The following ABCA9 variants were observed in gnomAD, a reference collection of about 807,000 sequenced individuals.
The protein encoded by ABCA9 is ATP binding cassette subfamily A member 9, also known as ATP-binding cassette sub-family A member 9.
In ABCA9, 183 loss-of-function variants were observed where a neutral mutation model predicts 205.3. The observed-to-expected ratio is 0.89, with a 90% confidence interval of 0.79 to 1.01. The LOEUF (loss-of-function observed/expected upper bound fraction) is 1.01, where lower values mean the gene tolerates loss of function less well. ABCA9 is among the 50% of genes least tolerant of loss of function. The pLI, the probability that ABCA9 is intolerant of heterozygous loss-of-function variation, is 0.00. For synonymous variants in ABCA9, 651 were observed against 683.3 expected (o/e 0.95, Z 0.74); for missense variants, 1,805 against 1,912.4 (o/e 0.94, Z 1.05).
At chr17:69,012,738 T>A (rs1437905859) in intron 22 of ABCA9, among the ~76,000 whole-genome samples, 1 of 152,156 alleles carries the variant, frequency 6.6e-6, no homozygotes, top group Non-Finnish European at 1.5e-5. Context: ...TTACAAACAA[T>A]CCAATTATAC....
At chr17:69,053,821 A>G (rs2071984004) in intron 1 of ABCA9, among the ~76,000 whole-genome samples, 1 of 152,194 alleles carries the variant, frequency 6.6e-6, no homozygotes, top group Non-Finnish European at 1.5e-5. Context: ...CCAACCTTAG[A>G]TTCAGGAAGG....
intron 32 of ABCA9, 31 bp from the exon 33 acceptor site, chr17:68,985,159 C>G (rs2069189664): frequency 1.2e-6 from 2 of 1,613,966 alleles, no homozygotes; most frequent in South Asian, 2.2e-5. Flanking sequence ...CCACATAATC[C>G]CAACACTGGC....
At chr17:69,025,930 A>ATACT in intron 16 of ABCA9, among the ~76,000 whole-genome samples, 1 of 152,248 alleles carries the variant, frequency 6.6e-6, no homozygotes, top group Non-Finnish European at 1.5e-5. Context: ...AACATAGCCA[A>ATACT]TACTTAAAAA....
chr17:69,033,915 G>A, intron 8 of ABCA9, 42 bp from the exon 9 acceptor site: 2 of 1,435,128 alleles, frequency 1.4e-6, no homozygotes, highest in Non-Finnish European at 1.9e-6. Flanking sequence ...GAATTAATAT[G>A]GCATTAAGAA....
intron 28 of ABCA9, among the ~76,000 whole-genome samples, chr17:68,991,481 T>C (rs968702882): frequency 3.7e-4 from 57 of 152,198 alleles, no homozygotes; most frequent in African/African-American, 1.1e-3. Context: ...TACAGACTCG[T>C]TCTTGCCTTC....
Position 69,012,080 on chromosome 17 carries a change from G to T in ABCA9, c.3043C>A (p.His1015Asn). 6.2e-7 allele frequency: 1 copy of T among 1,606,750 alleles called. No homozygotes were observed. ...CGGTACCCATACTCATAATCCATAT[G>T]CTCCTGAAATCATGTGGAACATGGT... ...QTDRSTFFEE[H>N]MDYEYGYRSN... is the part of the protein sequence containing the mutation. Residue 1015 changes from histidine (H) to asparagine (N), a missense_variant, in exon 23 of 39, where the codon CAT becomes AAT. Transcript: ENST00000340001.
chr17:69,029,121 C>T, intron 11 of ABCA9, 48 bp downstream of exon 11: 2 of 1,157,706 alleles, frequency 1.7e-6, no homozygotes, highest in South Asian at 1.5e-5. Flanking sequence ...AACAGTAAGG[C>T]AGCCACTAAA....
At chr17:68,976,442 C>A (rs1364296403) in intron 37 of ABCA9, among the ~76,000 whole-genome samples, 2 of 152,172 alleles carry the variant, frequency 1.3e-5, no homozygotes, top group East Asian at 3.9e-4. Context: ...AGCATCTGTG[C>A]AGAACAAGCT....
At chr17:69,060,985 T>C (rs1035076923), upstream of ABCA9, 60 of 985,330 alleles carry the variant, frequency 6.1e-5, no homozygotes, top group Non-Finnish European at 7.1e-5. Context: ...AATTTCACAT[T>C]CATTGTGAAT....
intron 23 of ABCA9, among the ~76,000 whole-genome samples, chr17:69,010,802 G>C (rs577992199): frequency 6.6e-6 from 1 of 152,238 alleles, no homozygotes; most frequent in East Asian, 1.9e-4. Context: ...AAATAAAGGA[G>C]ATAAAGAGAC....
intron 1 of ABCA9, among the ~76,000 whole-genome samples, chr17:69,058,334 C>G (rs1412379591): frequency 6.6e-6 from 1 of 152,092 alleles, no homozygotes; most frequent in Non-Finnish European, 1.5e-5. Context: ...ATGGTTCATC[C>G]TGCCATATTC....
rs1272915299 is a variant in ABCA9, at chr17:69,023,623, C to T, written c.2281+591G>A. On this transcript the variant is annotated intron_variant, in intron 17 of 38. Coordinates refer to ENST00000340001, the MANE Select transcript of ABCA9 (RefSeq NM_080283.4). The surrounding 1 kb of genome is among the most constrained non-coding windows in gnomAD (Gnocchi z 4.2). ...ATTTTTACAGAGTAAACTTAAGAAG[C>T]ATTCTACCTCAAAACGCTTAGGAAG... Among the ~76,000 whole-genome samples, 1 of 152,166 alleles carries T rather than the reference C, an allele frequency of 6.6e-6. No homozygotes were observed. Among genetic ancestry groups the T allele is most frequent in the African/African-American group, 2.4e-5 (1 of 41,438 alleles).
Position 68,993,045 on chromosome 17 carries a change from A to C in ABCA9, c.3595T>G (p.Ser1199Ala). 6.2e-7 allele frequency: 1 copy of C among 1,613,886 alleles called. No homozygotes were observed. Residue 1199 changes from serine (S) to alanine (A), a missense_variant, in exon 27 of 39, where the codon TCT (serine) becomes GCT (alanine). Transcript: ENST00000340001. ...DSMDYLGASE[S>A]EIVYLALLIP... The stretch of plus-strand genomic sequence containing the variant: ...AGCAGTGCCAGGTATACAATTTCAG[A>C]TTCTGAAGCTCCTAAGTAATCCATG...
chr17:69,063,649 T>A (rs2072309226), upstream of ABCA9, among the ~76,000 whole-genome samples: 1 of 152,174 alleles, frequency 6.6e-6, no homozygotes, highest in Non-Finnish European at 1.5e-5. Context: ...CTCTGCTCAC[T>A]GCAAGCTCCG....
chr17:68,983,968 C>T, intron 35 of ABCA9, 88 bp downstream of exon 35: 1 of 1,602,064 alleles, frequency 6.2e-7, no homozygotes, highest in African/African-American at 1.3e-5. Context: ...ATGCTAGCTC[C>T]TCACGATGGG....
chr17:68,996,035 A>G (rs773490765), intron 25 of ABCA9, 21 bp from the exon 26 acceptor site: 2 of 1,609,306 alleles, frequency 1.2e-6, no homozygotes, highest in Non-Finnish European at 1.7e-6. Flanking sequence ...TGCACAGTAT[A>G]GCGTCATTAA....
rs149228541 is a variant in ABCA9, at chr17:69,020,468, C to T, written c.2520G>A (p.Ala840=). ...TTGCACAGACCTGCTGCCTCCAGAG[C>T]GCCACGCCACTGATTGTTTTCCTTG... is the stretch of plus-strand genomic sequence containing the variant. The part of the protein sequence containing the change: ...HETRKTISGV[A]LWRQQVCAIA... The change falls in exon 19 of 39, where the codon GCG becomes GCA. Residue 840 remains alanine, a synonymous_variant. Coordinates refer to ENST00000340001, the MANE Select transcript of ABCA9 (RefSeq NM_080283.4). 154 of 1,614,042 alleles carry T rather than the reference C, an allele frequency of 9.5e-5. 1 individual carries two copies. Among genetic ancestry groups the T allele is most frequent in the African/African-American group, 5.3e-4 (40 of 75,012 alleles).
In ABCA9 at chr17:68,983,693, A is replaced by G. The variant is rs1052901331; in HGVS notation, c.4640+16T>C. The G allele has an allele frequency of 3.5e-5, 56 of 1,612,570 alleles. No individual in the cohort carries two copies. Among genetic ancestry groups the G allele is most frequent in the Non-Finnish European group, 4.2e-5 (50 of 1,179,658 alleles). On this transcript the variant is annotated intron_variant, in intron 36 of 38. Coordinates refer to ENST00000340001, the MANE Select transcript of ABCA9 (RefSeq NM_080283.4). ...AAAAACCAAGGACTGTGATAAAACA[A>G]AACACCTGTGTCTACCTTTCCTGCT...
chr17:68,996,094 AT>A, intron 25 of ABCA9, 80 bp from the exon 26 acceptor site: 1 of 1,451,440 alleles, frequency 6.9e-7, no homozygotes, highest in Non-Finnish European at 9.3e-7. Context: ...GTGGGAATTC[AT>A]TTATAAACGT....
Sources: gnomAD v4.1 joint callset for allele counts (sites outside exome capture counted in the v4.1 genomes callset) on GRCh38, gnomAD v4.1.1 for gene constraint, Gnocchi (gnomAD v3.1) non-coding constraint, MANE v1.5 for transcripts, NCBI Gene and HGNC (gene_info 2026-07-23, HGNC 2026-07-21) for gene names.